Variants in TBC1D9 observed in about 807,000 individuals in gnomAD.
The protein encoded by TBC1D9 is TBC1 domain family member 9.
In TBC1D9, 63 loss-of-function variants were observed where a neutral mutation model predicts 132.0. The ratio of observed to expected loss-of-function variants is 0.48; its 90% CI spans 0.39 to 0.59. The LOEUF is 0.59. Among genes scored for constraint, TBC1D9 ranks in the 20% least tolerant of loss-of-function variants. The pLI, the probability that TBC1D9 is intolerant of heterozygous loss-of-function variation, is 0.00. For missense variants in TBC1D9, 1,261 were observed against 1,592.7 expected (o/e 0.79, Z 3.54); for synonymous variants, 610 against 609.9 (o/e 1.00, Z 0.00).
At chr4:140,623,493 T>C (rs1279317523) in intron 20 of TBC1D9, among the ~76,000 whole-genome samples, 2 of 152,236 alleles carry the variant, frequency 1.3e-5, no homozygotes, top group Non-Finnish European at 2.9e-5. Context: ...GCTCAGTAAC[T>C]TTTTTCTTGT....
intron 1 of TBC1D9, among the ~76,000 whole-genome samples, chr4:140,704,878 A>T (rs960080768): frequency 2.6e-5 from 4 of 152,190 alleles, no homozygotes; most frequent in African/African-American, 9.7e-5. Flanking sequence ...CACCAACCCT[A>T]CCTCTGCATT....
chr4:140,751,185 T>A (rs1373604913), intron 1 of TBC1D9, among the ~76,000 whole-genome samples: 1 of 152,038 alleles, frequency 6.6e-6, no homozygotes, highest in African/African-American at 2.4e-5. Flanking sequence ...CCCATGAATC[T>A]AAAAGAAAAT....
chr4:140,625,158 A>T (rs1266478902), intron 18 of TBC1D9, among the ~76,000 whole-genome samples: 2 of 152,194 alleles, frequency 1.3e-5, no homozygotes, highest in Non-Finnish European at 2.9e-5. Context: ...TTTCTACATT[A>T]TCATTTAACT....
intron 5 of TBC1D9, among the ~76,000 whole-genome samples, chr4:140,678,570 C>A (rs868732860): frequency 4.0e-4 from 61 of 152,302 alleles, no homozygotes; most frequent in African/African-American, 1.4e-3. Flanking sequence ...CTTGAAATAT[C>A]CAGGCATGGA....
intron 13 of TBC1D9, among the ~76,000 whole-genome samples, chr4:140,652,674 C>T (rs1737205173): frequency 6.6e-6 from 1 of 152,232 alleles, no homozygotes; most frequent in Non-Finnish European, 1.5e-5. Flanking sequence ...CTTACATTTT[C>T]ACCTTAAAAT....
chr4:140,684,557 C>T lies in TBC1D9; in HGVS notation c.360+1787G>A, dbSNP rs138277826. ...GTAATACAAACAAAAAGGAAAATGG[C>T]TGTTTGACATAATTGGTCTTTGTTT... On this transcript the variant is annotated intron_variant, in intron 3 of 20. Transcript: ENST00000442267. Among the ~76,000 whole-genome samples, 336 of 152,104 alleles carry T rather than the reference C, an allele frequency of 2.2e-3. 2 individuals are homozygous for T. Among genetic ancestry groups the T allele is most frequent in the Non-Finnish European group, 4.0e-3 (270 of 67,992 alleles).
chr4:140,687,820 T>A (rs1737811867), intron 2 of TBC1D9, among the ~76,000 whole-genome samples: 1 of 152,150 alleles, frequency 6.6e-6, no homozygotes, highest in Non-Finnish European at 1.5e-5. Flanking sequence ...GTGCAGTGGC[T>A]CACGACTGTA....
At chr4:140,722,646 T>C (rs1378806621) in intron 1 of TBC1D9, among the ~76,000 whole-genome samples, 1 of 152,180 alleles carries the variant, frequency 6.6e-6, no homozygotes, top group Non-Finnish European at 1.5e-5. Context: ...CTAATGATAA[T>C]TCTTAAAAAT....
intron 2 of TBC1D9, among the ~76,000 whole-genome samples, chr4:140,694,460 A>C (rs1048736705): frequency 6.6e-6 from 1 of 151,764 alleles, no homozygotes; most frequent in Non-Finnish European, 1.5e-5. Flanking sequence ...AGTCCCAGCT[A>C]TGCGGGAGGG....
intron 1 of TBC1D9, among the ~76,000 whole-genome samples, chr4:140,754,752 T>C (rs1578869456): frequency 1.3e-5 from 2 of 151,804 alleles, no homozygotes; most frequent in South Asian, 4.2e-4. Context: ...AGATCACTAG[T>C]AAGTATTTCC....
chr4:140,631,422 C>T (rs576380126), intron 16 of TBC1D9, among the ~76,000 whole-genome samples: 2 of 152,134 alleles, frequency 1.3e-5, no homozygotes, highest in Non-Finnish European at 2.9e-5. Context: ...CGGGTTTCAC[C>T]GTGTTAGCCA....
chr4:140,642,324 C>A, intron 13 of TBC1D9: 1 of 779,044 alleles, frequency 1.3e-6, no homozygotes, highest in Non-Finnish European at 2.2e-6. Flanking sequence ...GGCCTTGAAC[C>A]CCACCCCTAT....
Position 140,659,603 on chromosome 4 carries a change from T to C in TBC1D9, c.1906A>G (p.Asn636Asp), listed in dbSNP as rs1379468884. 6.3e-7 allele frequency: 1 copy of C among 1,597,208 alleles called. No individual in the cohort carries two copies. The highest frequency in any genetic ancestry group is 8.5e-7 in the Non-Finnish European group (1 of 1,171,554). ...CTCCACTTACCCACAACTCTGGTGT[T>C]GTAGTAATCTGGGAGCATGCGCTCA... is the stretch of plus-strand genomic sequence containing the variant. ...LCERMLPDYY[N>D]TRVVGALVDQ... Residue 636 changes from asparagine (N) to aspartate (D), a missense_variant, in exon 11 of 21, where the codon AAC becomes GAC. Physicochemically the swap from Asn to Asp is conservative, Grantham distance 23. Transcript: ENST00000442267.
At chr4:140,693,724 C>A (rs1359937358) in intron 2 of TBC1D9, among the ~76,000 whole-genome samples, 4 of 152,174 alleles carry the variant, frequency 2.6e-5, no homozygotes, top group African/African-American at 9.7e-5. Flanking sequence ...AACTATTGCC[C>A]AACTAACATA....
intron 13 of TBC1D9, chr4:140,643,931 G>A (rs1053023439): frequency 1.7e-5 from 11 of 666,618 alleles, no homozygotes; most frequent in Middle Eastern, 5.6e-4. Flanking sequence ...CGGGGCGCTC[G>A]TCCACATCCT....
At chr4:140,686,524 GCTCA>G in intron 2 of TBC1D9, 62 bp from the exon 3 acceptor site, 1 of 1,157,120 alleles carries the variant, frequency 8.6e-7, no homozygotes, top group Non-Finnish European at 1.3e-6. Context: ...TAAAAACCAG[GCTCA>G]CTTTTTCATT....
chr4:140,643,259 G>A (rs1168625545), intron 13 of TBC1D9: 7 of 1,302,262 alleles, frequency 5.4e-6, no homozygotes, highest in Middle Eastern at 1.8e-4. Context: ...CCAGCTCTGC[G>A]ATCTCGCTCA....
In TBC1D9 at chr4:140,624,129, G is replaced by A; in HGVS notation, c.3065C>T (p.Pro1022Leu). 1 of 1,606,734 alleles carries A rather than the reference G, an allele frequency of 6.2e-7. No individual in the cohort carries two copies. The highest frequency in any genetic ancestry group is 8.5e-7 in the Non-Finnish European group (1 of 1,175,738). The change falls in exon 20 of 21, where the codon CCC becomes CTC. Residue 1022 changes from proline to leucine, a missense_variant. Pro to Leu is a moderately conservative substitution (Grantham distance 98, BLOSUM62 -3). This residue lies in a region of TBC1D9 where 618 missense variants were observed against 724.4 expected (regional missense o/e 0.85). Coordinates refer to ENST00000442267, the MANE Select transcript of TBC1D9 (RefSeq NM_015130.3). ...TTAAGCACTTACCTGATTTAATTTGGGTAAATCCTTTGCATTCTTTGACTT... is the reference window on the plus strand; with the variant it reads ...TTAAGCACTTACCTGATTTAATTTGAGTAAATCCTTTGCATTCTTTGACTT... ...KSKSKNAKDL[P>L]KLNQGQFIEL...
chr4:140,744,636 C>A (rs1175278631), intron 1 of TBC1D9, among the ~76,000 whole-genome samples: 22 of 152,090 alleles, frequency 1.4e-4, no homozygotes, highest in Non-Finnish European at 1.8e-4. Flanking sequence ...GTAATCCCAG[C>A]AATTTAGGAG....
Sources: allele counts gnomAD v4.1 joint callset (sites outside exome capture counted in the v4.1 genomes callset), GRCh38; gene constraint gnomAD v4.1.1; regional missense constraint gnomAD v4.1.1; transcripts MANE v1.5; gene names NCBI Gene and HGNC (gene_info 2026-07-23, HGNC 2026-07-21).